The following KDM6A variants were observed in gnomAD, a reference collection of about 807,000 sequenced individuals.
The protein encoded by KDM6A is lysine demethylase 6A, also known as lysine-specific demethylase 6A.
In KDM6A, 11 loss-of-function variants were observed where a neutral mutation model predicts 117.6. That is an observed-to-expected ratio of 0.09 (90% confidence interval 0.06 to 0.15). The LOEUF (loss-of-function observed/expected upper bound fraction) is 0.15, where lower values mean the gene tolerates loss of function less well. Ranked by LOEUF, KDM6A falls within the 10% of genes least tolerant of loss-of-function variation. The pLI, the probability that KDM6A is intolerant of heterozygous loss-of-function variation, is 1.00. For synonymous variants in KDM6A, 384 were observed against 396.1 expected (o/e 0.97, Z 0.36); for missense variants, 799 against 1,077.3 (o/e 0.74, Z 3.62).
intron 2 of KDM6A, among the ~76,000 whole-genome samples, chrX:44,941,988 G>A (rs1016544837): frequency 1.8e-5 from 2 of 109,590 alleles, no homozygotes; most frequent in African/African-American, 3.3e-5. Context: ...TTTTGAGGGG[G>A]TGGAATTCGA....
At chrX:44,919,694 GC>G (rs2035785769) in intron 2 of KDM6A, among the ~76,000 whole-genome samples, 1 of 102,127 alleles carries the variant, frequency 9.8e-6, no homozygotes, top group Non-Finnish European at 2.0e-5. Flanking sequence ...AGGCTGGAGT[GC>G]AGTGGCACGA....
Position 45,089,070 on chromosome X carries a change from C to T in KDM6A, c.3705-673C>T, listed in dbSNP as rs369001090. Among the ~76,000 whole-genome samples, 24 of 112,028 alleles carry T rather than the reference C, an allele frequency of 2.1e-4. No individual in the cohort carries two copies. In the East Asian group the frequency reaches 6.7e-3, roughly 31 times the overall value. ...GATTTAAATGACTTGATGTCAACTC[C>T]ACCTTCCATTTACCTTTTAGGGATT... On this transcript the variant is annotated intron_variant, in intron 25 of 29. Transcript: ENST00000611820.
chrX:45,076,927 A>G, intron 19 of KDM6A, 101 bp downstream of exon 19: 1 of 754,549 alleles, frequency 1.3e-6, no homozygotes, highest in East Asian at 3.4e-5. Flanking sequence ...GAAACATTAC[A>G]ATTATTGGCA....
At chrX:44,921,156 C>T (rs2035910654) in intron 2 of KDM6A, among the ~76,000 whole-genome samples, 1 of 111,470 alleles carries the variant, frequency 9.0e-6, no homozygotes, top group African/African-American at 3.3e-5. Context: ...TACTTACAGG[C>T]GTGAGCCACT....
chrX:45,012,350 G>A (rs753335321), intron 5 of KDM6A, among the ~76,000 whole-genome samples: 14 of 108,501 alleles, frequency 1.3e-4, no homozygotes, highest in African/African-American at 4.4e-4. Flanking sequence ...ACAGGCGCCC[G>A]CCACCATGCC....
intron 4 of KDM6A, among the ~76,000 whole-genome samples, chrX:45,005,650 C>G (rs1389368196): frequency 2.7e-5 from 3 of 110,844 alleles, no homozygotes; most frequent in Non-Finnish European, 5.7e-5. Flanking sequence ...CGTTATCCTT[C>G]CAGTGTTTTA....
chrX:45,038,489 T>G (rs991717422), intron 8 of KDM6A, among the ~76,000 whole-genome samples: 2 of 110,742 alleles, frequency 1.8e-5, no homozygotes, highest in African/African-American at 6.6e-5. Context: ...TTTAAAAAAC[T>G]TTTAAATTTT....
At chrX:45,057,078 A>G (rs2044104301) in intron 10 of KDM6A, among the ~76,000 whole-genome samples, 2 of 111,533 alleles carry the variant, frequency 1.8e-5, no homozygotes, top group Admixed American at 1.9e-4. Context: ...CCACAGGATT[A>G]GTGATTCCTT....
At chrX:44,910,912 C>T (rs2035066268) in intron 2 of KDM6A, among the ~76,000 whole-genome samples, 1 of 112,456 alleles carries the variant, frequency 8.9e-6, no homozygotes, top group Non-Finnish European at 1.9e-5. Context: ...TACACAGACA[C>T]AGCAACAATC....
chrX:44,914,149 C>T (rs1024921401), intron 2 of KDM6A, among the ~76,000 whole-genome samples: 2 of 111,782 alleles, frequency 1.8e-5, no homozygotes, highest in African/African-American at 6.5e-5. Context: ...TCATTTGTTC[C>T]CGCATTAATT....
chrX:45,066,629 C>CAGTT (rs199754335), intron 17 of KDM6A, among the ~76,000 whole-genome samples: 4,167 of 111,627 alleles, frequency 0.037, 210 homozygotes, highest in African/African-American at 0.13. Flanking sequence ...GTATAACTGG[C>CAGTT]AGTTAATAAG....
chrX:44,944,639 A>T (rs1227701435), intron 2 of KDM6A, among the ~76,000 whole-genome samples: 1 of 111,640 alleles, frequency 9.0e-6, no homozygotes, highest in Non-Finnish European at 1.9e-5. Context: ...GCATATACAG[A>T]TTCTGTTGCA....
chrX:44,909,930 A>G (rs942816110), intron 2 of KDM6A, among the ~76,000 whole-genome samples: 3 of 112,332 alleles, frequency 2.7e-5, no homozygotes, highest in African/African-American at 9.7e-5. Context: ...TCAATTCTTA[A>G]TGGTCTTGTT....
chrX:45,010,434 G>A (rs1021487047), intron 4 of KDM6A, among the ~76,000 whole-genome samples: 1 of 111,817 alleles, frequency 8.9e-6, no homozygotes, highest in South Asian at 3.7e-4. Context: ...GTTGACACAT[G>A]TCTTGTTTCA....
intron 4 of KDM6A, among the ~76,000 whole-genome samples, chrX:44,975,522 G>A (rs1346679198): frequency 9.0e-6 from 1 of 110,753 alleles, no homozygotes; most frequent in Non-Finnish European, 1.9e-5. Flanking sequence ...TCTTTTTTAA[G>A]TCTTTTGAAA....
In KDM6A at chrX:45,020,711, A is replaced by C. The variant is rs1377988037; in HGVS notation, c.545A>C (p.Asp182Ala). Reference sequence around the variant, plus strand: ...GGGCTTATGTTCAAAGTGAACACAGACTATGAGTCTAGTTTAAAGGTAGGT... The same window carrying C: ...GGGCTTATGTTCAAAGTGAACACAGCCTATGAGTCTAGTTTAAAGGTAGGT... Reference protein sequence around the residue: ...RLGLMFKVNTDYESSLKHFQL... With the variant: ...RLGLMFKVNTAYESSLKHFQL... Residue 182 changes from aspartate (D) to alanine (A), a missense_variant, in exon 6 of 30, where the codon GAC becomes GCC. Transcript: ENST00000611820. 1 of 1,209,634 alleles carries C rather than the reference A, an allele frequency of 8.3e-7. No homozygotes were observed. The highest frequency in any genetic ancestry group is 1.1e-6 in the Non-Finnish European group (1 of 893,605).
intron 4 of KDM6A, among the ~76,000 whole-genome samples, chrX:44,991,191 T>C (rs1489465452): frequency 8.9e-6 from 1 of 112,251 alleles, no homozygotes; most frequent in Non-Finnish European, 1.9e-5. Flanking sequence ...GCCTTCTGTT[T>C]TCTTCCTTGC....
chrX:44,951,660 A>G (rs2038014403), intron 2 of KDM6A, among the ~76,000 whole-genome samples: 1 of 111,194 alleles, frequency 9.0e-6, no homozygotes, highest in Non-Finnish European at 1.9e-5. Context: ...GGGAGTTGAA[A>G]TTTTATGTGT....
chrX:45,066,293 G>A (rs1402896585), intron 17 of KDM6A, among the ~76,000 whole-genome samples: 2 of 112,013 alleles, frequency 1.8e-5, no homozygotes, highest in African/African-American at 6.5e-5. Flanking sequence ...CATGCTTACA[G>A]TTGTTTGGGC....
Sources: allele counts gnomAD v4.1 joint callset (sites outside exome capture counted in the v4.1 genomes callset), GRCh38; gene constraint gnomAD v4.1.1; transcripts MANE v1.5; gene names NCBI Gene and HGNC (gene_info 2026-07-23, HGNC 2026-07-21).